Variants in STXBP3 observed in about 807,000 individuals in gnomAD.
The protein encoded by STXBP3 is syntaxin-binding protein 3.
In STXBP3, 41 loss-of-function variants were observed where a neutral mutation model predicts 85.7. The observed-to-expected ratio is 0.48, with a 90% CI of 0.37 to 0.62. The LOEUF (loss-of-function observed/expected upper bound fraction) is 0.62, where lower values mean the gene tolerates loss of function less well. STXBP3 is among the 20% of genes least tolerant of loss of function. STXBP3 has a pLI of 0.00. For missense variants in STXBP3, 563 were observed against 703.1 expected (o/e 0.80, Z 2.25); for synonymous variants, 229 against 231.7 (o/e 0.99, Z 0.10).
chr1:108,783,865 G>A (rs750683055), intron 11 of STXBP3, among the ~76,000 whole-genome samples: 3 of 152,110 alleles, frequency 2.0e-5, no homozygotes, highest in Admixed American at 6.5e-5. Context: ...TTCATTGCAC[G>A]AGATGGTATC....
chr1:108,761,145 A>C (rs1167008855), intron 6 of STXBP3, among the ~76,000 whole-genome samples: 1 of 152,160 alleles, frequency 6.6e-6, no homozygotes, highest in Admixed American at 6.5e-5. Context: ...ACCTCAGGTG[A>C]TCCAGTATCC....
At chr1:108,782,330 G>T (rs1662732642) in intron 9 of STXBP3, 92 bp from the exon 10 acceptor site, 7 of 973,210 alleles carry the variant, frequency 7.2e-6, no homozygotes, top group Non-Finnish European at 1.1e-5. Flanking sequence ...AGTTTCTTGA[G>T]TTGTGTCTTG....
rs911592025 is a variant in STXBP3 at position 108,769,129 on chromosome 1, T to G, written c.439-3536T>G. Among the ~76,000 whole-genome samples, 3 of 152,082 alleles carry G rather than the reference T, an allele frequency of 2.0e-5. No homozygotes were observed. In the South Asian group the frequency reaches 6.2e-4, roughly 31 times the overall value. On this transcript the variant is annotated intron_variant, in intron 6 of 18. Transcript: ENST00000370008. ...TTGTTTTTACTATATTCTAACAAAG[T>G]AAGCTAGAGAAAAGAAAATGTTATT... is the stretch of plus-strand genomic sequence containing the variant.
intron 11 of STXBP3, among the ~76,000 whole-genome samples, chr1:108,783,402 A>G (rs1662759003): frequency 6.6e-6 from 1 of 152,200 alleles, no homozygotes. Context: ...CCCTCCTGCC[A>G]GAGGTAAACT....
At chr1:108,769,880 C>T (rs1626986) in intron 6 of STXBP3, among the ~76,000 whole-genome samples, 1 of 151,906 alleles carries the variant, frequency 6.6e-6, no homozygotes, top group Non-Finnish European at 1.5e-5. Flanking sequence ...CATCCTCTAC[C>T]TTCTAGTACT....
At chr1:108,770,817 A>G (rs1662376295) in intron 6 of STXBP3, among the ~76,000 whole-genome samples, 3 of 152,140 alleles carry the variant, frequency 2.0e-5, no homozygotes, top group Non-Finnish European at 4.4e-5. Context: ...TTCTTTGTAC[A>G]TAAGTAAATT....
chr1:108,801,370 ATAGCAACTCCAAATT>A (rs1663228796), intron 17 of STXBP3, among the ~76,000 whole-genome samples: 1 of 152,116 alleles, frequency 6.6e-6, no homozygotes, highest in African/African-American at 2.4e-5. Flanking sequence ...ATAATGTATT[ATAGCAACTCCAAATT>A]GTTTTAGTAA....
At chr1:108,769,959 T>C (rs1662348448) in intron 6 of STXBP3, among the ~76,000 whole-genome samples, 1 of 152,152 alleles carries the variant, frequency 6.6e-6, no homozygotes, top group Admixed American at 6.5e-5. Context: ...ACAATAGCTT[T>C]TAAAGCTTCT....
At chr1:108,769,250 A>C (rs895825633) in intron 6 of STXBP3, among the ~76,000 whole-genome samples, 3 of 152,176 alleles carry the variant, frequency 2.0e-5, no homozygotes, top group Non-Finnish European at 4.4e-5. Flanking sequence ...TTGAGTAGGC[A>C]GAGGTGGAGG....
chr1:108,784,836 A>G lies in STXBP3; in HGVS notation c.963+2130A>G, dbSNP rs538094470. Among the ~76,000 whole-genome samples the G allele has an allele frequency of 1.2e-4, 18 of 152,344 alleles. No homozygotes were observed. In the South Asian group the frequency reaches 1.2e-3, roughly 11 times the overall value. ...CCAAATGGGAGAAATTGGCCATAACAGAGGGGCTTACAGGCCCCATGCAGG... is the reference window on the plus strand; with the variant it reads ...CCAAATGGGAGAAATTGGCCATAACGGAGGGGCTTACAGGCCCCATGCAGG... On this transcript the variant is annotated intron_variant, in intron 11 of 18. Transcript: ENST00000370008.
chr1:108,755,095 G>C (rs1308557948), intron 3 of STXBP3, among the ~76,000 whole-genome samples: 2 of 151,998 alleles, frequency 1.3e-5, no homozygotes, highest in Non-Finnish European at 2.9e-5. Context: ...GAAAAAAAAT[G>C]CTCTGTCAGG....
In STXBP3 at chr1:108,782,487, T is replaced by C. The variant is rs1662736613; in HGVS notation, c.875T>C (p.Ile292Thr). 1.9e-6 allele frequency: 3 copies of C among 1,613,786 alleles called. No homozygotes were observed. Among genetic ancestry groups the C allele is most frequent in the Non-Finnish European group, 2.5e-6 (3 of 1,179,856 alleles). The part of the protein sequence containing the change: ...LEEEDDLWVR[I>T]RHRHIAVVLE... The stretch of plus-strand genomic sequence containing the variant: ...GAAGAAGATGACCTCTGGGTTAGAA[T>C]TCGACATCGACATATTGCGGTTGTG... Residue 292 changes from isoleucine to threonine, a missense_variant, in exon 10 of 19, where the codon ATT (isoleucine) becomes ACT (threonine). Physicochemically the swap from Ile to Thr is moderately conservative, Grantham distance 89. This residue lies in a region of STXBP3 where 494 missense variants were observed against 592.8 expected (regional missense o/e 0.83). Coordinates refer to ENST00000370008, the MANE Select transcript of STXBP3 (RefSeq NM_007269.4).
In STXBP3 at chr1:108,752,241, T is replaced by A; in HGVS notation, c.50-16T>A. The A allele has an allele frequency of 1.2e-6, 2 of 1,601,290 alleles. No homozygotes were observed. Among genetic ancestry groups the A allele is most frequent in the South Asian group, 2.3e-5 (2 of 88,096 alleles). On this transcript the variant is annotated splice_polypyrimidine_tract_variant and intron_variant, in intron 1 of 18. Transcript: ENST00000370008. ...GTTTATTTAATTCCTAAGTAATTCC[T>A]TTCTTTTTTAAACAGAGATAAAAGC...
rs987228993 is a variant in STXBP3 at position 108,800,437 on chromosome 1, T to G, written c.1535+132T>G. 4 of 589,008 alleles carry G rather than the reference T, an allele frequency of 6.8e-6. No homozygotes were observed. The African/African-American group carries it at 7.6e-5, about 11-fold the overall frequency. 36.5% of individuals were successfully genotyped at this position (589,008 alleles called of 1,614,324 possible). A position where few individuals can be genotyped will look rare whatever the true frequency, so the allele number is the denominator to read the frequency against. On this transcript the variant is annotated intron_variant, in intron 17 of 18. Transcript: ENST00000370008. The stretch of plus-strand genomic sequence containing the variant: ...CTGTATTTTTTCTTTAACTGTAACT[T>G]GTTTTAAATGAATCCAGATAAGCAA...
In STXBP3 at chr1:108,758,502, T is replaced by G. The variant is rs753215825; in HGVS notation, c.259-8T>G. The G allele has an allele frequency of 6.8e-7, 1 of 1,474,592 alleles. No individual in the cohort carries two copies. The highest frequency in any genetic ancestry group is 9.2e-7 in the Non-Finnish European group (1 of 1,091,068). The allele number at this position is 1,474,592 out of a possible 1,614,324, so 91.3% of individuals were successfully genotyped here. A position where few individuals can be genotyped will look rare whatever the true frequency, so the allele number is the denominator to read the frequency against. ...TAAAATGTGTATTAACATCTAACCT[T>G]TTTTAAGTCTGTAGATTGTTTCTTA... On this transcript the variant is annotated splice_region_variant and splice_polypyrimidine_tract_variant and intron_variant, in intron 4 of 18. Coordinates refer to ENST00000370008, the MANE Select transcript of STXBP3 (RefSeq NM_007269.4).
At position 108,782,492 on chromosome 1, in the gene STXBP3, C is replaced by A; in HGVS notation, c.880C>A (p.His294Asn). 1 of 1,613,564 alleles carries A rather than the reference C, an allele frequency of 6.2e-7. No individual in the cohort carries two copies. Among genetic ancestry groups the A allele is most frequent in the Non-Finnish European group, 8.5e-7 (1 of 1,179,808 alleles). ...AGATGACCTCTGGGTTAGAATTCGACATCGACATATTGCGGTTGTGTTAGA... is the reference window on the plus strand; with the variant it reads ...AGATGACCTCTGGGTTAGAATTCGAAATCGACATATTGCGGTTGTGTTAGA... ...EEDDLWVRIR[H>N]RHIAVVLEEI... The change falls in exon 10 of 19, where the codon CAT (histidine) becomes AAT (asparagine). Residue 294 changes from histidine to asparagine, a missense_variant. His to Asn is a moderately conservative substitution (Grantham distance 68). This residue lies in a region of STXBP3 where 494 missense variants were observed against 592.8 expected (regional missense o/e 0.83). Coordinates refer to ENST00000370008, the MANE Select transcript of STXBP3 (RefSeq NM_007269.4).
Position 108,796,378 on chromosome 1 carries a change from G to A in STXBP3, c.1249+6G>A. ...TTATATCTTCAGTATTAATGGTAATGGAGATAATCACTTTTTAATAAGTAT... is the reference window on the plus strand; with the variant it reads ...TTATATCTTCAGTATTAATGGTAATAGAGATAATCACTTTTTAATAAGTAT... On this transcript the variant is annotated splice_donor_region_variant and intron_variant, in intron 14 of 18. Transcript: ENST00000370008. 1 of 1,465,746 alleles carries A rather than the reference G, an allele frequency of 6.8e-7. No individual in the cohort carries two copies. Among genetic ancestry groups the A allele is most frequent in the South Asian group, 1.2e-5 (1 of 83,378 alleles). 90.8% of individuals were successfully genotyped at this position (1,465,746 alleles called of 1,614,324 possible). A position where few individuals can be genotyped will look rare whatever the true frequency, so the allele number is the denominator to read the frequency against.
intron 1 of STXBP3, among the ~76,000 whole-genome samples, chr1:108,747,501 C>A (rs1264412987): frequency 6.6e-6 from 1 of 152,212 alleles, no homozygotes; most frequent in African/African-American, 2.4e-5. Context: ...TCTGCGGTAT[C>A]ATCCACAACT....
At chr1:108,808,717 T>TTA in intron 18 of STXBP3, 66 bp from the exon 19 acceptor site, 1 of 1,262,968 alleles carries the variant, frequency 7.9e-7, no homozygotes, top group South Asian at 1.2e-5. Context: ...GGACAACACA[T>TTA]TATATTAAGC....
Sources: gnomAD v4.1 joint callset for allele counts (sites outside exome capture counted in the v4.1 genomes callset) on GRCh38, gnomAD v4.1.1 for gene constraint, gnomAD v4.1.1 regional missense constraint, MANE v1.5 for transcripts, NCBI Gene and HGNC (gene_info 2026-07-23, HGNC 2026-07-21) for gene names.